Variants in SLX4IP observed in about 807,000 individuals in gnomAD.
The protein encoded by SLX4IP is protein SLX4IP.
A neutral mutation model predicts 32.9 loss-of-function variants in SLX4IP; 34 were observed. That is an observed-to-expected ratio of 1.03 (90% confidence interval 0.79 to 1.38). The LOEUF (loss-of-function observed/expected upper bound fraction) is 1.38, where lower values mean the gene tolerates loss of function less well. SLX4IP is among the 40% of genes most tolerant of loss of function. SLX4IP has a pLI of 0.00. For synonymous variants in SLX4IP, 172 were observed against 171.7 expected (o/e 1.00, Z -0.01); for missense variants, 444 against 479.0 (o/e 0.93, Z 0.68).
intron 2 of SLX4IP, among the ~76,000 whole-genome samples, chr20:10,480,172 C>T (rs2065509475): frequency 6.6e-6 from 1 of 152,068 alleles, no homozygotes; most frequent in Non-Finnish European, 1.5e-5. Flanking sequence ...GTGGGCAGAA[C>T]GCTTGAACCC....
chr20:10,555,299 G>A (rs1340739487), intron 2 of SLX4IP, among the ~76,000 whole-genome samples: 1 of 151,872 alleles, frequency 6.6e-6, no homozygotes, highest in Non-Finnish European at 1.5e-5. Flanking sequence ...CCCAACCTTG[G>A]TGTCCCATTC....
At chr20:10,573,181 C>T (rs1381880220) in intron 4 of SLX4IP, among the ~76,000 whole-genome samples, 1 of 152,144 alleles carries the variant, frequency 6.6e-6, no homozygotes, top group Non-Finnish European at 1.5e-5. Flanking sequence ...TTTATTTTCC[C>T]AGCCCTTTGA....
chr20:10,571,429 A>G (rs1223913954), intron 4 of SLX4IP, among the ~76,000 whole-genome samples: 1 of 152,094 alleles, frequency 6.6e-6, no homozygotes, highest in African/African-American at 2.4e-5. Flanking sequence ...CCCTAACTCC[A>G]TCCCCAGAGT....
chr20:10,465,305 C>T (rs1444001323), intron 2 of SLX4IP, among the ~76,000 whole-genome samples: 2 of 152,030 alleles, frequency 1.3e-5, no homozygotes, highest in East Asian at 1.9e-4. Flanking sequence ...ATGCCAGCTG[C>T]TTGTTTTTGT....
At chr20:10,483,224 A>G (rs1477291955) in intron 2 of SLX4IP, among the ~76,000 whole-genome samples, 1 of 152,212 alleles carries the variant, frequency 6.6e-6, no homozygotes, top group Non-Finnish European at 1.5e-5. Context: ...GGTTCAAACA[A>G]TTCTCGTGCC....
chr20:10,461,059 G>A (rs2065333496), intron 2 of SLX4IP, among the ~76,000 whole-genome samples: 1 of 152,124 alleles, frequency 6.6e-6, no homozygotes, highest in Non-Finnish European at 1.5e-5. Context: ...TCTTCTTATA[G>A]AGAACTTTTA....
At chr20:10,610,850 GTTA>G (rs1443607932) in intron 6 of SLX4IP, among the ~76,000 whole-genome samples, 5 of 152,018 alleles carry the variant, frequency 3.3e-5, no homozygotes, top group Admixed American at 6.5e-5. Context: ...TTTTTACTTA[GTTA>G]TTATCAAAAA....
chr20:10,442,927 G>T (rs2065170637), intron 1 of SLX4IP, among the ~76,000 whole-genome samples: 1 of 152,206 alleles, frequency 6.6e-6, no homozygotes, highest in Non-Finnish European at 1.5e-5. Flanking sequence ...TAAAATGCCA[G>T]TATTTTAAAG....
chr20:10,627,409 T>A lies in SLX4IP; in HGVS notation c.*4030T>A, dbSNP rs1263594621. On this transcript the variant is annotated 3_prime_UTR_variant, in exon 8 of 8. Coordinates refer to ENST00000334534, the MANE Select transcript of SLX4IP (RefSeq NM_001009608.3). ...TTAGTACAAAATAAATTAAGCATTG[T>A]AAAACGAAGTTAATTCAGGTAATTA... 2 of 152,258 alleles carry A rather than the reference T, an allele frequency of 1.3e-5. No individual in the cohort carries two copies. Among genetic ancestry groups the A allele is most frequent in the Non-Finnish European group, 1.5e-5 (1 of 68,040 alleles). The allele number at this position is 152,258 out of a possible 1,614,324, so 9.4% of individuals were successfully genotyped here.
intron 6 of SLX4IP, chr20:10,613,006 A>C (rs1600156709): frequency 4.9e-6 from 1 of 204,558 alleles, no homozygotes; most frequent in East Asian, 1.3e-4. Context: ...CCAAATGTAA[A>C]CTGGGAAGTA....
intron 4 of SLX4IP, among the ~76,000 whole-genome samples, chr20:10,579,049 T>G (rs772095658): frequency 6.6e-5 from 10 of 152,230 alleles, no homozygotes; most frequent in Non-Finnish European, 1.3e-4. Context: ...TGGTGGCCTT[T>G]GATACCCAAA....
At chr20:10,438,576 C>A (rs1568681316) in intron 1 of SLX4IP, among the ~76,000 whole-genome samples, 1 of 146,748 alleles carries the variant, frequency 6.8e-6, no homozygotes, top group Non-Finnish European at 1.5e-5. Flanking sequence ...CTCCTGAGTT[C>A]AAGCAATTCT....
intron 1 of SLX4IP, among the ~76,000 whole-genome samples, chr20:10,436,351 C>T (rs1311180857): frequency 7.4e-6 from 1 of 134,360 alleles, no homozygotes; most frequent in Non-Finnish European, 1.7e-5. Context: ...AAGATACAGC[C>T]CTTTCTTTCT....
intron 2 of SLX4IP, among the ~76,000 whole-genome samples, chr20:10,487,471 A>T (rs1255764549): frequency 6.6e-6 from 1 of 152,222 alleles, no homozygotes; most frequent in Non-Finnish European, 1.5e-5. Context: ...AGGCATACTT[A>T]GGCAGCAGGG....
In SLX4IP at chr20:10,530,194, C is replaced by T. The variant is rs150676944; in HGVS notation, c.28-26037C>T. On this transcript the variant is annotated intron_variant, in intron 2 of 7. Transcript: ENST00000334534. ...CAGAGTAAGGCGGTGCAGTCTCAGACGTACTGGTTGGAGATTTGAAGCACA... is the reference window on the plus strand; with the variant it reads ...CAGAGTAAGGCGGTGCAGTCTCAGATGTACTGGTTGGAGATTTGAAGCACA... Among the ~76,000 whole-genome samples the T allele has an allele frequency of 1.6e-4, 24 of 152,312 alleles. No homozygotes were observed. The East Asian group carries it at 3.7e-3, about 23-fold the overall frequency.
At chr20:10,613,185 T>C (rs1330195401) in intron 6 of SLX4IP, 1 of 518,642 alleles carries the variant, frequency 1.9e-6, no homozygotes, top group African/African-American at 1.9e-5. Context: ...GAAGGGACAC[T>C]GCCTCCCTCC....
At chr20:10,620,054 C>T (rs1484989949) in intron 6 of SLX4IP, among the ~76,000 whole-genome samples, 1 of 152,140 alleles carries the variant, frequency 6.6e-6, no homozygotes, top group Non-Finnish European at 1.5e-5. Context: ...AAAGCACATC[C>T]CCTCGGCTTG....
intron 2 of SLX4IP, among the ~76,000 whole-genome samples, chr20:10,490,147 A>T (rs1032776300): frequency 1.3e-5 from 2 of 151,962 alleles, no homozygotes; most frequent in African/African-American, 2.4e-5. Context: ...CCTAAAGAAC[A>T]TGTTTCAAAA....
intron 6 of SLX4IP, among the ~76,000 whole-genome samples, chr20:10,602,285 CCTCTCTCT>C (rs141021766): frequency 5.4e-5 from 8 of 147,508 alleles, no homozygotes; most frequent in African/African-American, 2.0e-4. Context: ...TCATTTTCTC[CCTCTCTCT>C]CTCTCTCTCT....
Sources: allele counts gnomAD v4.1 joint callset (sites outside exome capture counted in the v4.1 genomes callset), GRCh38; gene constraint gnomAD v4.1.1; transcripts MANE v1.5; gene names NCBI Gene and HGNC (gene_info 2026-07-23, HGNC 2026-07-21).